The following ADGRB3 variants were observed in gnomAD, a reference collection of about 807,000 sequenced individuals.
ADGRB3 encodes the protein brain-specific angiogenesis inhibitor 3.
Under a neutral mutation model 193.4 loss-of-function variants are expected in ADGRB3, and 37 were observed. The ratio of observed to expected loss-of-function variants is 0.19; its 90% CI spans 0.15 to 0.25. The LOEUF is 0.25. Among genes scored for constraint, ADGRB3 ranks in the 10% least tolerant of loss-of-function variants. The pLI is 1.00. For missense variants in ADGRB3, 1,637 were observed against 1,852.9 expected, an observed-to-expected ratio of 0.88 and a Z score of 2.14; for synonymous variants, 690 against 644.2, an observed-to-expected ratio of 1.07 and a Z score of -1.08.
chr6:68,665,990 A>G (rs1463983102), intron 3 of ADGRB3, among the ~76,000 whole-genome samples: 1 of 151,880 alleles, frequency 6.6e-6, no homozygotes, highest in African/African-American at 2.4e-5. Context: ...TTGGTTTTAT[A>G]TAGTGACATT....
intron 31 of ADGRB3, among the ~76,000 whole-genome samples, chr6:69,386,474 C>T (rs1770073999): frequency 1.3e-5 from 2 of 152,042 alleles, no homozygotes; most frequent in Admixed American, 6.6e-5. Flanking sequence ...AACCAGTGAG[C>T]CTTTCAGTTG....
chr6:68,642,803 A>T (rs1467093318), intron 3 of ADGRB3, among the ~76,000 whole-genome samples: 2 of 151,362 alleles, frequency 1.3e-5, no homozygotes, highest in Non-Finnish European at 2.9e-5. Flanking sequence ...AATGGCTATA[A>T]CTTAAAAAAA....
At chr6:68,859,077 GAT>G (rs1223542035) in intron 3 of ADGRB3, among the ~76,000 whole-genome samples, 3 of 152,116 alleles carry the variant, frequency 2.0e-5, no homozygotes, top group African/African-American at 7.2e-5. Context: ...ATGCCTTGCT[GAT>G]TAGAATTTTC....
intron 17 of ADGRB3, among the ~76,000 whole-genome samples, chr6:69,117,605 C>A (rs573519618): frequency 6.5e-4 from 98 of 151,064 alleles, no homozygotes; most frequent in Non-Finnish European, 1.2e-3. Context: ...AATGTAATTA[C>A]CTCAACAAGT....
intron 17 of ADGRB3, among the ~76,000 whole-genome samples, chr6:69,182,893 CT>C (rs1389894266): frequency 1.3e-5 from 2 of 152,038 alleles, no homozygotes; most frequent in African/African-American, 4.8e-5. Context: ...TCTTGTGAGC[CT>C]TTATGAGCAG....
At chr6:69,024,933 A>G (rs1413859127) in intron 13 of ADGRB3, among the ~76,000 whole-genome samples, 2 of 152,044 alleles carry the variant, frequency 1.3e-5, no homozygotes, top group East Asian at 3.9e-4. Flanking sequence ...TCTACTAAAA[A>G]TACAAAAAAT....
intron 17 of ADGRB3, among the ~76,000 whole-genome samples, chr6:69,163,789 C>T (rs1445600333): frequency 1.3e-5 from 2 of 152,132 alleles, no homozygotes; most frequent in Non-Finnish European, 2.9e-5. Flanking sequence ...AATTATCTTG[C>T]ATTCGTTCTA....
intron 17 of ADGRB3, among the ~76,000 whole-genome samples, chr6:69,131,333 A>T (rs1166794195): frequency 1.3e-5 from 2 of 152,114 alleles, no homozygotes; most frequent in Non-Finnish European, 2.9e-5. Flanking sequence ...TTTGAATACA[A>T]GTCCATGGTA....
At position 68,979,065 on chromosome 6, in the gene ADGRB3, AGTTT is replaced by A. The variant is rs139164262; in HGVS notation, c.1734+3726_1734+3729del. On this transcript the variant is annotated intron_variant, in intron 10 of 31. Transcript: ENST00000370598. ...GAGGTAAACAAAAGGGCCATCAATA[AGTTT>A]AAGATATAAAATCACTAATCTGTCA... Among the ~76,000 whole-genome samples, 1,390 of 151,488 alleles carry A rather than the reference AGTTT, an allele frequency of 9.2e-3. 29 individuals are homozygous for A. Among genetic ancestry groups the A allele is most frequent in the African/African-American group, 0.032 (1,322 of 41,490 alleles).
intron 11 of ADGRB3, among the ~76,000 whole-genome samples, chr6:68,994,330 A>G (rs1415460313): frequency 6.6e-6 from 1 of 152,174 alleles, no homozygotes; most frequent in Non-Finnish European, 1.5e-5. Context: ...CATAATGAAA[A>G]CACATTAACT....
intron 3 of ADGRB3, among the ~76,000 whole-genome samples, chr6:68,836,484 G>A (rs1768048311): frequency 6.6e-6 from 1 of 152,084 alleles, no homozygotes; most frequent in African/African-American, 2.4e-5. Context: ...TCAGAAAGAA[G>A]ATTCAAGCAG....
intron 17 of ADGRB3, among the ~76,000 whole-genome samples, chr6:69,080,045 A>C (rs1397459500): frequency 6.6e-6 from 1 of 151,996 alleles, no homozygotes; most frequent in Admixed American, 6.6e-5. Flanking sequence ...TAAGTAATTG[A>C]ATTGAACTAA....
intron 17 of ADGRB3, among the ~76,000 whole-genome samples, chr6:69,196,234 G>A (rs1765293599): frequency 6.6e-6 from 1 of 151,948 alleles, no homozygotes; most frequent in South Asian, 2.1e-4. Flanking sequence ...TTCCTTTCTT[G>A]CCAATTTCAT....
intron 20 of ADGRB3, among the ~76,000 whole-genome samples, chr6:69,318,421 A>G (rs1233745993): frequency 1.3e-5 from 2 of 151,298 alleles, no homozygotes; most frequent in Non-Finnish European, 3.0e-5. Context: ...GCATTACTGG[A>G]CCCACTCTGA....
At chr6:69,366,569 G>T (rs969649485) in intron 29 of ADGRB3, among the ~76,000 whole-genome samples, 1 of 152,026 alleles carries the variant, frequency 6.6e-6, no homozygotes, top group African/African-American at 2.4e-5. Flanking sequence ...CCTTTGAGTA[G>T]CTTCATACTG....
intron 3 of ADGRB3, among the ~76,000 whole-genome samples, chr6:68,647,446 A>G (rs2802696): frequency 0.5 from 76,631 of 151,982 alleles, 19,545 homozygotes; most frequent in Admixed American, 0.56. Context: ...ATTTTTGGCT[A>G]TAAACCATAG....
At chr6:69,300,938 A>G (rs954224964) in intron 20 of ADGRB3, among the ~76,000 whole-genome samples, 5 of 151,842 alleles carry the variant, frequency 3.3e-5, no homozygotes, top group Non-Finnish European at 5.9e-5. Flanking sequence ...TTACATTTCA[A>G]TGGTGCAGAG....
intron 17 of ADGRB3, among the ~76,000 whole-genome samples, chr6:69,172,551 G>A (rs1020222659): frequency 7.2e-6 from 1 of 138,696 alleles, no homozygotes; most frequent in Non-Finnish European, 1.5e-5. Context: ...GGCTGAGGCA[G>A]AAGAATGGCG....
At chr6:69,317,740 C>T (rs1452629887) in intron 20 of ADGRB3, among the ~76,000 whole-genome samples, 1 of 151,436 alleles carries the variant, frequency 6.6e-6, no homozygotes, top group Non-Finnish European at 1.5e-5. Context: ...TTGTCAACAC[C>T]TTGAGTTCAT....
Sources: gnomAD v4.1 joint callset for allele counts (sites outside exome capture counted in the v4.1 genomes callset) on GRCh38, gnomAD v4.1.1 for gene constraint, MANE v1.5 for transcripts, NCBI Gene and HGNC (gene_info 2026-07-23, HGNC 2026-07-21) for gene names.